Variants in CSMD1 observed in about 807,000 individuals in gnomAD.
CSMD1 encodes the protein CUB and Sushi multiple domains 1.
In CSMD1, 213 loss-of-function variants were observed where a neutral mutation model predicts 417.5. That is an observed-to-expected ratio of 0.51 (90% confidence interval 0.46 to 0.57). CSMD1 has a LOEUF of 0.57. CSMD1 is among the 20% of genes least tolerant of loss of function. CSMD1 has a pLI of 0.00. For missense variants in CSMD1, 6,923 were observed against 4,529.7 expected (o/e 1.53, Z -15.17); for synonymous variants, 2,862 against 1,736.8 (o/e 1.65, Z -16.11).
chr8:3,298,130 C>T (rs750481949), intron 25 of CSMD1, among the ~76,000 whole-genome samples: 3 of 152,170 alleles, frequency 2.0e-5, no homozygotes, highest in Non-Finnish European at 4.4e-5. Context: ...CTCATATACA[C>T]CCTCTCAGGG....
At chr8:3,394,804 T>C (rs529506881) in intron 17 of CSMD1, among the ~76,000 whole-genome samples, 1 of 152,186 alleles carries the variant, frequency 6.6e-6, no homozygotes, top group Non-Finnish European at 1.5e-5. Flanking sequence ...TTACTTTAAG[T>C]TTCAAAATAC....
At chr8:4,143,510 G>T (rs988640808) in intron 3 of CSMD1, among the ~76,000 whole-genome samples, 2 of 150,634 alleles carry the variant, frequency 1.3e-5, no homozygotes, top group South Asian at 4.1e-4. Flanking sequence ...AACTAAAGAA[G>T]AAGTTGATAT....
chr8:3,680,627 A>C (rs2117603354), intron 7 of CSMD1, among the ~76,000 whole-genome samples: 1 of 152,336 alleles, frequency 6.6e-6, no homozygotes, highest in Non-Finnish European at 1.5e-5. Context: ...AGCAGGTACC[A>C]TTCCTTCTGA....
chr8:4,412,146 C>G (rs981199944), intron 3 of CSMD1, among the ~76,000 whole-genome samples: 1 of 152,020 alleles, frequency 6.6e-6, no homozygotes, highest in East Asian at 1.9e-4. Context: ...AGCTAAATAT[C>G]TCAATGTGCC....
chr8:4,936,245 A>G (rs1004119071), intron 1 of CSMD1, among the ~76,000 whole-genome samples: 1 of 152,238 alleles, frequency 6.6e-6, no homozygotes, highest in Non-Finnish European at 1.5e-5. Context: ...CACAGATATT[A>G]TATCATCAGA....
chr8:3,263,931 C>T (rs73500041), intron 26 of CSMD1, among the ~76,000 whole-genome samples: 3,909 of 152,252 alleles, frequency 0.026, 142 homozygotes, highest in African/African-American at 0.088. Flanking sequence ...CTAATGGTAA[C>T]GCTAACATTT....
At chr8:3,702,822 C>G (rs112282707) in intron 7 of CSMD1, among the ~76,000 whole-genome samples, 3,184 of 152,286 alleles carry the variant, frequency 0.021, 65 homozygotes, top group Admixed American at 0.032. Context: ...GAACGAGACT[C>G]TGTCTCAATA....
intron 1 of CSMD1, among the ~76,000 whole-genome samples, chr8:4,903,019 A>G (rs1383481393): frequency 0.057 from 2,648 of 46,178 alleles, 65 homozygotes; most frequent in African/African-American, 0.1. Flanking sequence ...TAATAAATAA[A>G]TAAATAAATA....
chr8:3,252,986 A>C (rs1420587938), intron 26 of CSMD1, among the ~76,000 whole-genome samples: 1 of 151,896 alleles, frequency 6.6e-6, no homozygotes, highest in East Asian at 1.9e-4. Context: ...GCAGTCTATC[A>C]ATTTTGTTGA....
chr8:4,630,198 T>C (rs1166153287), intron 2 of CSMD1, among the ~76,000 whole-genome samples: 1 of 152,074 alleles, frequency 6.6e-6, no homozygotes, highest in Non-Finnish European at 1.5e-5. Context: ...TGTTTTCTTA[T>C]TTTATCACAG....
intron 4 of CSMD1, among the ~76,000 whole-genome samples, chr8:4,015,531 T>C (rs1284861995): frequency 6.6e-6 from 1 of 152,100 alleles, no homozygotes; most frequent in Non-Finnish European, 1.5e-5. Flanking sequence ...GGGCCTACAC[T>C]ATTTAGCATG....
chr8:4,925,703 C>G (rs184590976), intron 1 of CSMD1, among the ~76,000 whole-genome samples: 8 of 152,020 alleles, frequency 5.3e-5, no homozygotes, highest in South Asian at 2.1e-4. Context: ...CCCGCCACCA[C>G]GCAGGGCTAA....
intron 2 of CSMD1, among the ~76,000 whole-genome samples, chr8:4,529,704 T>C (rs1008757048): frequency 1.3e-5 from 2 of 152,024 alleles, no homozygotes; most frequent in African/African-American, 2.4e-5. Context: ...TCATAGAATA[T>C]GTGGCAATCC....
intron 2 of CSMD1, among the ~76,000 whole-genome samples, chr8:4,631,103 C>T (rs1802483586): frequency 6.6e-6 from 1 of 152,174 alleles, no homozygotes; most frequent in African/African-American, 2.4e-5. Flanking sequence ...TGGCTCACAC[C>T]TGTAATCCCA....
rs1422384117 is a variant in CSMD1 at position 2,938,717 on chromosome 8, G to C, written c.10563C>G (p.Gly3521=). Residue 3521 remains glycine, a synonymous_variant, in exon 70 of 70, where the codon GGC becomes GGG. Transcript: ENST00000635120. The stretch of plus-strand genomic sequence containing the variant: ...CATTGCTGTTTTCATGCCCAGCATA[G>C]CCATTGTATTGAACTTTTGGTCTCG... ...HRTRPKVQYN[G]YAGHENSNGQ... is the part of the protein sequence containing the mutation. 2 of 1,610,662 alleles carry C rather than the reference G, an allele frequency of 1.2e-6. No individual in the cohort carries two copies. Among genetic ancestry groups the C allele is most frequent in the African/African-American group, 2.7e-5 (2 of 74,910 alleles).
intron 3 of CSMD1, among the ~76,000 whole-genome samples, chr8:4,329,546 C>T (rs777904645): frequency 1.3e-5 from 2 of 152,102 alleles, no homozygotes; most frequent in East Asian, 3.9e-4. Context: ...CCTTGGCCTC[C>T]CAAATTGCTT....
chr8:3,541,367 G>A (rs184025507), intron 10 of CSMD1, among the ~76,000 whole-genome samples: 2 of 151,986 alleles, frequency 1.3e-5, no homozygotes, highest in Non-Finnish European at 2.9e-5. Flanking sequence ...CATGCACTGG[G>A]GCCTGTTGAG....
intron 37 of CSMD1, among the ~76,000 whole-genome samples, chr8:3,173,525 A>C (rs1206054189): frequency 2.0e-5 from 3 of 152,220 alleles, no homozygotes; most frequent in Non-Finnish European, 4.4e-5. Context: ...TTTGAAATGA[A>C]TATGTGGAAA....
intron 3 of CSMD1, among the ~76,000 whole-genome samples, chr8:4,327,058 G>T (rs532639410): frequency 5.3e-5 from 8 of 152,242 alleles, no homozygotes; most frequent in African/African-American, 1.7e-4. Flanking sequence ...CTCAGAAGAC[G>T]ACTTCAAATA....
Sources: gnomAD v4.1 joint callset for allele counts (sites outside exome capture counted in the v4.1 genomes callset) on GRCh38, gnomAD v4.1.1 for gene constraint, MANE v1.5 for transcripts, NCBI Gene and HGNC (gene_info 2026-07-23, HGNC 2026-07-21) for gene names.